Variants in HSPG2 observed in about 807,000 individuals in gnomAD.
HSPG2 encodes basement membrane-specific heparan sulfate proteoglycan core protein.
In HSPG2, 278 loss-of-function variants were observed where a neutral mutation model predicts 526.6. That is an observed-to-expected ratio of 0.53 (90% CI 0.48 to 0.58). The LOEUF (loss-of-function observed/expected upper bound fraction) is 0.58, where lower values mean the gene tolerates loss of function less well. Ranked by LOEUF, HSPG2 falls within the 20% of genes least tolerant of loss-of-function variation. The pLI is 0.00. For synonymous variants in HSPG2, 2,465 were observed against 2,555.4 expected (o/e 0.96, Z 1.07); for missense variants, 5,354 against 6,099.5 (o/e 0.88, Z 4.07).
rs1430592095 is a variant in HSPG2 at position 21,839,206 on chromosome 1, G to T, written c.9890-121C>A. On this transcript the variant is annotated intron_variant, in intron 73 of 96. Transcript: ENST00000374695. The surrounding 1 kb of genome is among the most constrained non-coding windows in gnomAD (Gnocchi z 4.5). ...GCCCAGAGGACTGGGGATAAGGAAA[G>T]CAAAGGTCCCAGGCCAGGGTGTGGG... The T allele has an allele frequency of 6.2e-6, 9 of 1,457,242 alleles. No individual in the cohort carries two copies. In the East Asian group the frequency reaches 1.8e-4, roughly 30 times the overall value. 90.3% of individuals were successfully genotyped at this position (1,457,242 alleles called of 1,614,324 possible). A position where few individuals can be genotyped will look rare whatever the true frequency, so the allele number is the denominator to read the frequency against.
chr1:21,912,332 T>C (rs900007794), intron 1 of HSPG2, among the ~76,000 whole-genome samples: 2 of 152,114 alleles, frequency 1.3e-5, no homozygotes, highest in African/African-American at 4.8e-5. Flanking sequence ...TTACGAGGTG[T>C]AAGTACCACT....
chr1:21,837,632 T>C (rs2098031958), intron 74 of HSPG2, among the ~76,000 whole-genome samples: 1 of 152,062 alleles, frequency 6.6e-6, no homozygotes, highest in Non-Finnish European at 1.5e-5. Context: ...CTATTCTGCC[T>C]GCAGTTTAAA....
At chr1:21,835,364 T>A in intron 76 of HSPG2, 176 bp downstream of exon 76, 2 of 645,104 alleles carry the variant, frequency 3.1e-6, no homozygotes, top group Non-Finnish European at 5.6e-6. Context: ...TCCCTTGAAA[T>A]ATGTATCAAG....
At chr1:21,826,065 G>A (rs988338208) in intron 91 of HSPG2, among the ~76,000 whole-genome samples, 2 of 151,702 alleles carry the variant, frequency 1.3e-5, no homozygotes, top group African/African-American at 4.9e-5. Context: ...TGACAGGTGT[G>A]AGCCACCGCA....
chr1:21,845,683 A>G (rs1204613079), intron 64 of HSPG2, among the ~76,000 whole-genome samples: 3 of 152,162 alleles, frequency 2.0e-5, no homozygotes, highest in African/African-American at 7.2e-5. Context: ...CGGCTCTAAT[A>G]AAGATGTGTA....
At position 21,855,798 on chromosome 1, in the gene HSPG2, A is replaced by G. The variant is rs1639294819; in HGVS notation, c.5690T>C (p.Leu1897Pro). 6.2e-7 allele frequency: 1 copy of G among 1,612,988 alleles called. No homozygotes were observed. The highest frequency in any genetic ancestry group is 8.5e-7 in the Non-Finnish European group (1 of 1,179,862). The change falls in exon 45 of 97, where the codon CTC becomes CCC. Residue 1897 changes from leucine to proline, a missense_variant. Leu to Pro is a moderately conservative substitution (Grantham distance 98, BLOSUM62 -3). Transcript: ENST00000374695. The part of the protein sequence containing the change: ...CSATGSPTPT[L>P]EWTGGPGGQL... ...CATCACGGCCTCACCTGTCCACTCG[A>G]GGGTGGGCGTGGGGCTCCCTGTGGC...
At position 21,834,795 on chromosome 1, in the gene HSPG2, T is replaced by G; in HGVS notation, c.10604A>C (p.Gln3535Pro). The change falls in exon 77 of 97, where the codon CAG (glutamine) becomes CCG (proline). Residue 3535 changes from glutamine (Q) to proline (P), a missense_variant. Coordinates refer to ENST00000374695, the MANE Select transcript of HSPG2 (RefSeq NM_005529.7). ...VGGHLRPGIV[Q>P]SGGVVRIAHV... is the part of the protein sequence containing the mutation. ...GGCGATCCTGACGACACCTCCGCTC[T>G]GCACAATGCCTGGCCGCAGGTGCCC... The G allele has an allele frequency of 6.2e-7, 1 of 1,614,228 alleles. No individual in the cohort carries two copies. The highest frequency in any genetic ancestry group is 8.5e-7 in the Non-Finnish European group (1 of 1,180,042).
chr1:21,841,060 T>C, intron 71 of HSPG2, 41 bp downstream of exon 71: 1 of 1,557,300 alleles, frequency 6.4e-7, no homozygotes, highest in Non-Finnish European at 8.7e-7. Flanking sequence ...GGCTGGGCCA[T>C]GGACTGGGCC....
In HSPG2 at chr1:21,830,252, C is replaced by T. The variant is rs569162686; in HGVS notation, c.11672-161G>A. 395 of 647,318 alleles carry T rather than the reference C, an allele frequency of 6.1e-4. 6 individuals are homozygous for T. Among genetic ancestry groups the T allele is most frequent in the South Asian group, 6.1e-3 (344 of 56,658 alleles). The allele number at this position is 647,318 out of a possible 1,614,324, so 40.1% of individuals were successfully genotyped here. On this transcript the variant is annotated intron_variant, in intron 85 of 96. Transcript: ENST00000374695. ...GAGGAGGGAACTGAGCAGAGCAAGGCGGGAGCCAGAAGAGGCCACAGGGAG... is the reference window on the plus strand; with the variant it reads ...GAGGAGGGAACTGAGCAGAGCAAGGTGGGAGCCAGAAGAGGCCACAGGGAG...
rs765557016 is a variant in HSPG2 at position 21,859,613 on chromosome 1, C to T, written c.5246G>A (p.Arg1749His). The T allele has an allele frequency of 1.9e-5, 31 of 1,608,358 alleles. No individual in the cohort carries two copies. Among genetic ancestry groups the T allele is most frequent in the South Asian group, 7.8e-5 (7 of 89,998 alleles). Reference protein sequence around the residue: ...SDAGVYICTCRNLHQSNTSRA... With the variant: ...SDAGVYICTCHNLHQSNTSRA... ...GCTGGTATTGGATTGGTGGAGATTA[C>T]GGCAGGTGCAAATGTAGACCCCAGC... Residue 1749 changes from arginine (R) to histidine (H), a missense_variant, in exon 42 of 97, where the codon CGT becomes CAT. Coordinates refer to ENST00000374695, the MANE Select transcript of HSPG2 (RefSeq NM_005529.7). The surrounding 1 kb of genome is among the most constrained non-coding windows in gnomAD (Gnocchi z 5.3).
intron 3 of HSPG2, among the ~76,000 whole-genome samples, chr1:21,892,191 C>T (rs990658200): frequency 2.0e-5 from 3 of 152,342 alleles, no homozygotes; most frequent in Admixed American, 6.5e-5. Flanking sequence ...TGCCCTGAAC[C>T]GCTGGGCTAG....
Position 21,879,131 on chromosome 1 carries a change from G to A in HSPG2, c.2344-10C>T. 1 of 1,614,202 alleles carries A rather than the reference G, an allele frequency of 6.2e-7. No individual in the cohort carries two copies. The highest frequency in any genetic ancestry group is 8.5e-7 in the Non-Finnish European group (1 of 1,180,026). On this transcript the variant is annotated splice_polypyrimidine_tract_variant and intron_variant, in intron 17 of 96. Coordinates refer to ENST00000374695, the MANE Select transcript of HSPG2 (RefSeq NM_005529.7). ...TGTTGTGCTGGCAATTCTAGAAGAA[G>A]GAGGAGGGTATGGCTCAACTTCTAG...
rs1395822961 is a variant in HSPG2, at chr1:21,864,306, G to C, written c.4627-93C>G. The C allele has an allele frequency of 9.5e-7, 1 of 1,052,218 alleles. No individual in the cohort carries two copies. Among genetic ancestry groups the C allele is most frequent in the Non-Finnish European group, 1.4e-6 (1 of 694,234 alleles). 65.2% of individuals were successfully genotyped at this position (1,052,218 alleles called of 1,614,324 possible). A position where few individuals can be genotyped will look rare whatever the true frequency, so the allele number is the denominator to read the frequency against. On this transcript the variant is annotated intron_variant, in intron 36 of 96. Transcript: ENST00000374695. The surrounding 1 kb of genome is among the most constrained non-coding windows in gnomAD (Gnocchi z 4.8). ...CCCCTCCCTCCAGTGTCCTCCCAGG[G>C]GTGACCCTGGAACATCACAGGCCGG...
chr1:21,912,774 G>A (rs1005472651), intron 1 of HSPG2, among the ~76,000 whole-genome samples: 10 of 152,150 alleles, frequency 6.6e-5, no homozygotes, highest in South Asian at 2.1e-4. Context: ...AAGATCAGGA[G>A]TTTGATACCA....
rs550233681 is a variant in HSPG2, at chr1:21,827,962, G to A, written c.12533-43C>T. On this transcript the variant is annotated intron_variant, in intron 90 of 96. Transcript: ENST00000374695. ...GTCCAGTTGGTGGGCATAGACACCC[G>A]TGGGTACTATGTCGAGCTCCGGGGC... 1,408 of 1,610,116 alleles carry A rather than the reference G, an allele frequency of 8.7e-4. 15 individuals are homozygous for A. The South Asian group carries it at 0.014, about 17-fold the overall frequency.
At chr1:21,877,059 C>CAA (rs3077630) in intron 21 of HSPG2, among the ~76,000 whole-genome samples, 86,582 of 103,094 alleles carry the variant, frequency 0.84, 37,224 homozygotes, top group East Asian at 0.96. Context: ...GACTCCATCT[C>CAA]AAAAAAAAAA....
intron 1 of HSPG2, among the ~76,000 whole-genome samples, chr1:21,934,379 T>C (rs1644426252): frequency 6.6e-6 from 1 of 152,144 alleles, no homozygotes; most frequent in African/African-American, 2.4e-5. Context: ...TCAACCCCAT[T>C]GTACAGATTT....
Position 21,829,956 on chromosome 1 carries a change from C to G in HSPG2, c.11770+37G>C, listed in dbSNP as rs2097994988. 2.0e-6 allele frequency: 3 copies of G among 1,537,478 alleles called. No homozygotes were observed. In the East Asian group the frequency reaches 7.0e-5, roughly 36 times the overall value. ...CCCCACCCAGCCTCCCCAGCTGACA[C>G]TAGGACCCTGGGGGTCTCAGGCCTG... On this transcript the variant is annotated intron_variant, in intron 86 of 96. Coordinates refer to ENST00000374695, the MANE Select transcript of HSPG2 (RefSeq NM_005529.7).
chr1:21,846,578 A>T lies in HSPG2; in HGVS notation c.8186T>A (p.Ile2729Asn). The change falls in exon 63 of 97, where the codon ATC becomes AAC. Residue 2729 changes from isoleucine to asparagine, a missense_variant. Physicochemically the swap from Ile to Asn is moderately radical, Grantham distance 149. Transcript: ENST00000374695. ...SPSAPGSSMP[I>N]RIESSSSHVA... ...GTGTGAGGAGGATGACTCAATTCTG[A>T]TGGGCATGGAGCTGCCAGGGGCTGG... The T allele has an allele frequency of 6.2e-7, 1 of 1,613,650 alleles. No homozygotes were observed.
Sources: allele counts gnomAD v4.1 joint callset (sites outside exome capture counted in the v4.1 genomes callset), GRCh38; gene constraint gnomAD v4.1.1; non-coding constraint Gnocchi (gnomAD v3.1); transcripts MANE v1.5; gene names NCBI Gene and HGNC (gene_info 2026-07-23, HGNC 2026-07-21).